CTNNA2: variants seen among roughly 807,000 people sequenced by gnomAD.
CTNNA2 encodes catenin alpha-2.
In CTNNA2, 42 loss-of-function variants were observed where a neutral mutation model predicts 101.0. The observed-to-expected ratio is 0.42, with a 90% CI of 0.32 to 0.54. The LOEUF is 0.54. Ranked by LOEUF, CTNNA2 falls within the 20% of genes least tolerant of loss-of-function variation. CTNNA2 has a pLI of 0.14. For missense variants in CTNNA2, 871 were observed against 1,223.1 expected, an observed-to-expected ratio of 0.71 and a Z score of 4.29; for synonymous variants, 450 against 456.4, an observed-to-expected ratio of 0.99 and a Z score of 0.18.
intron 12 of CTNNA2, among the ~76,000 whole-genome samples, chr2:80,559,878 T>TATCTATCTATCTATCTA (rs1693393440): frequency 1.3e-4 from 15 of 114,000 alleles, no homozygotes; most frequent in African/African-American, 4.5e-4. Flanking sequence ...GATATCATAT[T>TATCTATCTATCTATCTA]TATATATATA....
At chr2:80,128,091 G>T (rs1702232912) in intron 7 of CTNNA2, among the ~76,000 whole-genome samples, 2 of 151,928 alleles carry the variant, frequency 1.3e-5, no homozygotes, top group Non-Finnish European at 2.9e-5. Context: ...AAGAAGATAG[G>T]TTTTTGGGGA....
chr2:79,746,965 G>A (rs967074339), intron 3 of CTNNA2, among the ~76,000 whole-genome samples: 5 of 152,070 alleles, frequency 3.3e-5, no homozygotes, highest in Admixed American at 6.6e-5. Flanking sequence ...GAATTAAGAG[G>A]TGAATGAATG....
At chr2:80,561,397 G>A (rs1020165363) in intron 12 of CTNNA2, among the ~76,000 whole-genome samples, 2 of 152,148 alleles carry the variant, frequency 1.3e-5, no homozygotes, top group African/African-American at 4.8e-5. Context: ...TCTAAGTATT[G>A]TAGAAATCTG....
At chr2:79,256,906 G>C (rs1400700802) in intron 2 of CTNNA2, among the ~76,000 whole-genome samples, 2 of 152,098 alleles carry the variant, frequency 1.3e-5, no homozygotes, top group Non-Finnish European at 1.5e-5. Context: ...AGTGTGCTCA[G>C]AAAATGTTAG....
rs754129010 is a variant in CTNNA2 at position 79,762,351 on chromosome 2, G to T, written c.298+17769G>T. On this transcript the variant is annotated intron_variant, in intron 3 of 18. Transcript: ENST00000402739. ...AAGGCAAGATACGAGCATTTCAAGA[G>T]AAATCCCCCTGGAGGAGTGCTTCAA... 2.6e-5 allele frequency among the ~76,000 whole-genome samples: 4 copies of T among 152,258 alleles called. No individual in the cohort carries two copies. The East Asian group carries it at 7.8e-4, about 30-fold the overall frequency.
At chr2:80,091,742 T>A (rs1699806061) in intron 7 of CTNNA2, among the ~76,000 whole-genome samples, 1 of 151,942 alleles carries the variant, frequency 6.6e-6, no homozygotes, top group Admixed American at 6.6e-5. Flanking sequence ...TTAGAAAAAA[T>A]GGAGCACGAA....
chr2:79,254,776 TTAAAA>T (rs1674820172), intron 2 of CTNNA2, among the ~76,000 whole-genome samples: 1 of 94,446 alleles, frequency 1.1e-5, no homozygotes, highest in Non-Finnish European at 2.4e-5. Context: ...AAAATAGGAC[TTAAAA>T]TAAAATGAAA....
chr2:79,522,095 A>G (rs1672149089), intron 1 of CTNNA2, among the ~76,000 whole-genome samples: 1 of 152,188 alleles, frequency 6.6e-6, no homozygotes. Context: ...AGAAGCCAAA[A>G]CAGTAATTAT....
intron 7 of CTNNA2, among the ~76,000 whole-genome samples, chr2:80,252,703 C>G (rs1032808781): frequency 2.0e-5 from 3 of 152,070 alleles, no homozygotes; most frequent in Non-Finnish European, 4.4e-5. Context: ...GAAATATGTC[C>G]TAGGTGCTTT....
At chr2:79,668,184 G>A (rs1386813521) in intron 2 of CTNNA2, among the ~76,000 whole-genome samples, 1 of 143,946 alleles carries the variant, frequency 6.9e-6, no homozygotes, top group African/African-American at 2.6e-5. Context: ...AGCTTGCAGT[G>A]AGCCGAGATT....
intron 2 of CTNNA2, among the ~76,000 whole-genome samples, chr2:79,718,837 TG>T (rs912693075): frequency 6.6e-6 from 1 of 151,476 alleles, no homozygotes; most frequent in African/African-American, 2.4e-5. Context: ...TTTTTTTTTT[TG>T]TGGTGGTGGT....
intron 2 of CTNNA2, among the ~76,000 whole-genome samples, chr2:79,275,591 A>G (rs1675191387): frequency 6.6e-6 from 1 of 152,028 alleles, no homozygotes. Context: ...GTAATCTCTA[A>G]AATTATTTTG....
chr2:79,941,412 C>T (rs182904948), intron 7 of CTNNA2, among the ~76,000 whole-genome samples: 4 of 152,202 alleles, frequency 2.6e-5, no homozygotes, highest in Non-Finnish European at 4.4e-5. Flanking sequence ...TCTGGTGTTC[C>T]GGGCCGTTGA....
intron 7 of CTNNA2, among the ~76,000 whole-genome samples, chr2:80,007,607 C>A (rs1372356150): frequency 6.6e-6 from 1 of 152,130 alleles, no homozygotes; most frequent in Non-Finnish European, 1.5e-5. Context: ...TAGGAAGATG[C>A]CTTTGAAAAT....
intron 2 of CTNNA2, among the ~76,000 whole-genome samples, chr2:79,695,834 T>C (rs1034714482): frequency 6.6e-6 from 1 of 152,030 alleles, no homozygotes; most frequent in Non-Finnish European, 1.5e-5. Flanking sequence ...TTTTCAAGAT[T>C]ACTATGGGGT....
chr2:80,299,929 G>T (rs1352172020), intron 7 of CTNNA2, among the ~76,000 whole-genome samples: 1 of 152,124 alleles, frequency 6.6e-6, no homozygotes, highest in Admixed American at 6.5e-5. Context: ...TAAGTTCACG[G>T]AATCCAAGGA....
chr2:79,503,152 A>G (rs751092971), intron 4 of CTNNA2, among the ~76,000 whole-genome samples: 47 of 152,152 alleles, frequency 3.1e-4, no homozygotes, highest in Admixed American at 5.9e-4. Context: ...TTCTGCTTCC[A>G]GTGCCTCTTC....
chr2:80,093,536 G>T (rs1194119938), intron 7 of CTNNA2, among the ~76,000 whole-genome samples: 1 of 152,062 alleles, frequency 6.6e-6, no homozygotes, highest in African/African-American at 2.4e-5. Flanking sequence ...GGGATGGCTG[G>T]GTCAAATGGT....
At chr2:80,112,074 T>A (rs1701247770) in intron 7 of CTNNA2, among the ~76,000 whole-genome samples, 1 of 152,136 alleles carries the variant, frequency 6.6e-6, no homozygotes, top group South Asian at 2.1e-4. Flanking sequence ...AGTAAACTGT[T>A]TATAACAAGA....
Sources: gnomAD v4.1 joint callset for allele counts (sites outside exome capture counted in the v4.1 genomes callset) on GRCh38, gnomAD v4.1.1 for gene constraint, MANE v1.5 for transcripts, NCBI Gene and HGNC (gene_info 2026-07-23, HGNC 2026-07-21) for gene names.